Variants in RALGAPA2 observed in about 807,000 individuals in gnomAD.
RALGAPA2 encodes Ral GTPase activating protein catalytic subunit alpha 2, also known as ral GTPase-activating protein subunit alpha-2.
A neutral mutation model predicts 230.4 loss-of-function variants in RALGAPA2; 139 were observed. The observed-to-expected ratio is 0.60, with a 90% CI of 0.53 to 0.69. The LOEUF (loss-of-function observed/expected upper bound fraction) is 0.69, where lower values mean the gene tolerates loss of function less well. RALGAPA2 is among the 30% of genes least tolerant of loss of function. RALGAPA2 has a pLI of 0.00. For synonymous variants in RALGAPA2, 847 were observed against 837.8 expected, an observed-to-expected ratio of 1.01 and a Z score of -0.19; for missense variants, 2,163 against 2,276.0, an observed-to-expected ratio of 0.95 and a Z score of 1.01.
chr20:20,634,515 G>T (rs910491307), intron 9 of RALGAPA2, among the ~76,000 whole-genome samples: 1 of 152,040 alleles, frequency 6.6e-6, no homozygotes, highest in Non-Finnish European at 1.5e-5. Flanking sequence ...CAGTGGAGCC[G>T]CATGCTCTAG....
chr20:20,420,304 C>T (rs974101485), intron 37 of RALGAPA2, among the ~76,000 whole-genome samples: 4 of 152,266 alleles, frequency 2.6e-5, no homozygotes, highest in South Asian at 4.1e-4. Context: ...CTATATTGCC[C>T]TTAGAGGAAC....
intron 16 of RALGAPA2, among the ~76,000 whole-genome samples, chr20:20,594,232 T>C (rs1245028264): frequency 2.0e-5 from 3 of 152,220 alleles, no homozygotes; most frequent in Non-Finnish European, 4.4e-5. Flanking sequence ...TTTCTCATAT[T>C]TTATATTAAA....
chr20:20,541,242 TA>T (rs1334117845), intron 24 of RALGAPA2, among the ~76,000 whole-genome samples: 1 of 152,082 alleles, frequency 6.6e-6, no homozygotes, highest in Non-Finnish European at 1.5e-5. Context: ...CCCTCTTATT[TA>T]AAGGGGATAC....
intron 38 of RALGAPA2, among the ~76,000 whole-genome samples, chr20:20,402,006 G>A (rs1223717250): frequency 6.6e-6 from 1 of 152,166 alleles, no homozygotes; most frequent in African/African-American, 2.4e-5. Context: ...ACTGAAGAAG[G>A]GCTCCTCTCC....
chr20:20,414,228 A>G (rs1412759543), intron 37 of RALGAPA2, among the ~76,000 whole-genome samples: 1 of 152,020 alleles, frequency 6.6e-6, no homozygotes, highest in African/African-American at 2.4e-5. Context: ...CGCTCAATTC[A>G]TGGCTCCCCC....
chr20:20,621,199 A>G (rs1429049952), intron 10 of RALGAPA2, among the ~76,000 whole-genome samples: 1 of 152,094 alleles, frequency 6.6e-6, no homozygotes, highest in African/African-American at 2.4e-5. Flanking sequence ...TAATTTGTCT[A>G]TAAAAATAAC....
intron 12 of RALGAPA2, among the ~76,000 whole-genome samples, chr20:20,618,591 T>C (rs1349883999): frequency 1.3e-5 from 2 of 152,048 alleles, no homozygotes; most frequent in Non-Finnish European, 1.5e-5. Context: ...GGCCTCTACA[T>C]GAGAGGCCTA....
chr20:20,615,123 A>G (rs1301867545), intron 13 of RALGAPA2, among the ~76,000 whole-genome samples: 2 of 151,762 alleles, frequency 1.3e-5, no homozygotes, highest in African/African-American at 4.8e-5. Flanking sequence ...GTTGCTGAGC[A>G]TCAGTGAAAA....
chr20:20,419,401 T>C (rs1200698140), intron 37 of RALGAPA2, among the ~76,000 whole-genome samples: 1 of 152,160 alleles, frequency 6.6e-6, no homozygotes, highest in African/African-American at 2.4e-5. Context: ...TATGTTTGGG[T>C]GTTAGAGTTG....
At chr20:20,605,086 A>G (rs1188645570) in intron 15 of RALGAPA2, 89 bp downstream of exon 15, 1 of 1,115,460 alleles carries the variant, frequency 9.0e-7, no homozygotes, top group East Asian at 2.6e-5. Flanking sequence ...GTTCATTATA[A>G]AATTTCGCGC....
chr20:20,585,275 T>C (rs2065100921), intron 18 of RALGAPA2, among the ~76,000 whole-genome samples: 2 of 152,210 alleles, frequency 1.3e-5, no homozygotes, highest in African/African-American at 4.8e-5. Context: ...GGCACACATA[T>C]ATTGTGAACA....
chr20:20,710,830 C>T (rs1228678450), intron 1 of RALGAPA2, among the ~76,000 whole-genome samples: 1 of 152,152 alleles, frequency 6.6e-6, no homozygotes, highest in African/African-American at 2.4e-5. Flanking sequence ...AAAATTTAAA[C>T]GCTAAAGCAC....
chr20:20,608,106 T>C lies in RALGAPA2; in HGVS notation c.1801-2694A>G, dbSNP rs560362716. On this transcript the variant is annotated intron_variant, in intron 14 of 39. Transcript: ENST00000202677. ...TTAAAAATAAGAAGTGCATAAGAGCTTCTCCAAGGTTCCTTCAGTACTGAA... is the reference window on the plus strand; with the variant it reads ...TTAAAAATAAGAAGTGCATAAGAGCCTCTCCAAGGTTCCTTCAGTACTGAA... 3.1e-4 allele frequency among the ~76,000 whole-genome samples: 47 copies of C among 152,314 alleles called. 1 individual carries two copies. The highest frequency in any genetic ancestry group is 8.5e-4 in the Admixed American group (13 of 15,306).
intron 24 of RALGAPA2, among the ~76,000 whole-genome samples, chr20:20,545,337 G>A (rs2063752237): frequency 6.6e-6 from 1 of 151,824 alleles, no homozygotes; most frequent in South Asian, 2.1e-4. Flanking sequence ...TCCTATAGCT[G>A]TGACTATACA....
intron 3 of RALGAPA2, among the ~76,000 whole-genome samples, chr20:20,670,969 AAT>A (rs1048000505): frequency 6.6e-5 from 10 of 151,690 alleles, no homozygotes; most frequent in South Asian, 2.1e-4. Context: ...AAAAAAAAAA[AAT>A]ATGATAAACA....
At chr20:20,601,620 T>TATAA (rs2065655636) in intron 16 of RALGAPA2, 62 bp downstream of exon 16, 2 of 1,529,370 alleles carry the variant, frequency 1.3e-6, no homozygotes, top group Non-Finnish European at 1.8e-6. Context: ...ACACACTTTA[T>TATAA]GCCTATAAAT....
Position 20,548,566 on chromosome 20 carries a change from GAAGAAAAA to G in RALGAPA2, c.3157-1742_3157-1735del, listed in dbSNP as rs200891321. Among the ~76,000 whole-genome samples, 5 of 151,582 alleles carry G rather than the reference GAAGAAAAA, an allele frequency of 3.3e-5. No individual in the cohort carries two copies. The East Asian group carries it at 9.7e-4, about 29-fold the overall frequency. ...ATAGATAAGTGAAAAAGGAAGGAAG[GAAGAAAAA>G]AAAACATGAACCATGCTTCTTCCAG... is the stretch of plus-strand genomic sequence containing the variant. On this transcript the variant is annotated intron_variant, in intron 23 of 39. Transcript: ENST00000202677.
chr20:20,710,439 C>CA (rs1292732183), intron 1 of RALGAPA2, among the ~76,000 whole-genome samples: 7 of 152,142 alleles, frequency 4.6e-5, no homozygotes, highest in African/African-American at 1.7e-4. Flanking sequence ...TGAAAGTTTA[C>CA]ATTAAATATT....
intron 37 of RALGAPA2, among the ~76,000 whole-genome samples, chr20:20,432,090 G>C (rs2060514244): frequency 6.6e-6 from 1 of 152,236 alleles, no homozygotes; most frequent in Non-Finnish European, 1.5e-5. Flanking sequence ...GCGAGAAACA[G>C]TAAGGACTGT....
Sources: allele counts gnomAD v4.1 joint callset (sites outside exome capture counted in the v4.1 genomes callset), GRCh38; gene constraint gnomAD v4.1.1; transcripts MANE v1.5; gene names NCBI Gene and HGNC (gene_info 2026-07-23, HGNC 2026-07-21).